EFR3B: variants seen among roughly 807,000 people sequenced by gnomAD.
EFR3B encodes the protein protein EFR3 homolog B.
A neutral mutation model predicts 104.7 loss-of-function variants in EFR3B; 64 were observed. That is an observed-to-expected ratio of 0.61 (90% CI 0.50 to 0.75). EFR3B has a LOEUF of 0.75. Ranked by LOEUF, EFR3B falls within the 30% of genes least tolerant of loss-of-function variation. The probability of loss-of-function intolerance (pLI) is 0.00; values close to 1 mark genes in which losing one functional copy is unlikely to be tolerated. For synonymous variants in EFR3B, 385 were observed against 417.9 expected, an observed-to-expected ratio of 0.92 and a Z score of 0.96; for missense variants, 750 against 1,078.5, an observed-to-expected ratio of 0.70 and a Z score of 4.27.
chr2:25,063,051 G>A (rs1168382799), intron 1 of EFR3B, among the ~76,000 whole-genome samples: 1 of 151,852 alleles, frequency 6.6e-6, no homozygotes, highest in Non-Finnish European at 1.5e-5. Flanking sequence ...AGCCTCCCGA[G>A]TAGTTGGGAT....
intron 4 of EFR3B, among the ~76,000 whole-genome samples, chr2:25,117,888 G>T (rs979777284): frequency 3.9e-5 from 6 of 152,126 alleles, no homozygotes; most frequent in Non-Finnish European, 1.5e-5. Context: ...TTTGACCAAC[G>T]TCTCCCTATT....
rs982688741 is a variant in EFR3B, at chr2:25,042,079, A to C, written c.-234A>C. ...ATAGCCCCCGCCCCCTGCGCGCAGCAGTGCCCAGCAACCCGAGCGGAGGCG... is the reference window on the plus strand; with the variant it reads ...ATAGCCCCCGCCCCCTGCGCGCAGCCGTGCCCAGCAACCCGAGCGGAGGCG... On this transcript the variant is annotated 5_prime_UTR_variant, in exon 1 of 23. Coordinates refer to ENST00000403714, the MANE Select transcript of EFR3B (RefSeq NM_014971.2). The surrounding 1 kb of genome is among the most constrained non-coding windows in gnomAD (Gnocchi z 5.4). 97 of 292,726 alleles carry C rather than the reference A, an allele frequency of 3.3e-4. No homozygotes were observed. The East Asian group carries it at 5.3e-3, about 16-fold the overall frequency. The allele number at this position is 292,726 out of a possible 1,614,324, so 18.1% of individuals were successfully genotyped here. A position where few individuals can be genotyped will look rare whatever the true frequency, so the allele number is the denominator to read the frequency against.
chr2:25,093,228 C>T, intron 3 of EFR3B, 98 bp downstream of exon 3: 1 of 1,449,638 alleles, frequency 6.9e-7, no homozygotes, highest in Non-Finnish European at 9.2e-7. Context: ...GGCAGAGTGG[C>T]TCACGCCTGT....
chr2:25,147,537 A>G (rs1218994174), intron 19 of EFR3B: 1 of 152,256 alleles, frequency 6.6e-6, no homozygotes, highest in East Asian at 1.9e-4. Context: ...GTGAATTTTC[A>G]TAAAGTGTGT....
chr2:25,100,971 A>G (rs1669417034), intron 3 of EFR3B, among the ~76,000 whole-genome samples: 1 of 152,150 alleles, frequency 6.6e-6, no homozygotes, highest in Admixed American at 6.5e-5. Flanking sequence ...TTCCCTTTCC[A>G]ATGAGGTCAG....
In EFR3B at chr2:25,088,979, G is replaced by A. The variant is rs190273421; in HGVS notation, c.8-2346G>A. ...GGGGCCCTGCCTGGGACTGGTTCCCGCCCACCATGGGCCCTGTGTGGTGGC... is the reference window on the plus strand; with the variant it reads ...GGGGCCCTGCCTGGGACTGGTTCCCACCCACCATGGGCCCTGTGTGGTGGC... On this transcript the variant is annotated intron_variant, in intron 1 of 22. Coordinates refer to ENST00000403714, the MANE Select transcript of EFR3B (RefSeq NM_014971.2). Among the ~76,000 whole-genome samples, 526 of 152,260 alleles carry A rather than the reference G, an allele frequency of 3.5e-3. 5 individuals carry two copies. Among genetic ancestry groups the A allele is most frequent in the African/African-American group, 0.012 (500 of 41,564 alleles).
At position 25,114,272 on chromosome 2, in the gene EFR3B, G is replaced by A. The variant is rs1669802102; in HGVS notation, c.364-7401G>A. On this transcript the variant is annotated intron_variant, in intron 4 of 22. Coordinates refer to ENST00000403714, the MANE Select transcript of EFR3B (RefSeq NM_014971.2). This position sits in a 1 kb window ranked among gnomAD's most constrained non-coding sequence, Gnocchi z 4.0. ...GGCTCTCTAGGAGCTGCCCCAACAGGGACCCACGGACAGCGCTCCCTGACC... is the reference window on the plus strand; with the variant it reads ...GGCTCTCTAGGAGCTGCCCCAACAGAGACCCACGGACAGCGCTCCCTGACC... Among the ~76,000 whole-genome samples the A allele has an allele frequency of 6.6e-6, 1 of 152,140 alleles. No homozygotes were observed. Among genetic ancestry groups the A allele is most frequent in the Admixed American group, 6.5e-5 (1 of 15,274 alleles).
intron 1 of EFR3B, among the ~76,000 whole-genome samples, chr2:25,058,762 GCGC>G (rs1231145385): frequency 1.7e-5 from 2 of 114,734 alleles, no homozygotes; most frequent in Admixed American, 8.0e-5. Flanking sequence ...CTGTCTCCCC[GCGC>G]CCCCCCCCCC....
At chr2:25,062,094 A>T (rs944741835) in intron 1 of EFR3B, among the ~76,000 whole-genome samples, 1 of 151,988 alleles carries the variant, frequency 6.6e-6, no homozygotes, top group East Asian at 1.9e-4. Context: ...TTAATTTTTA[A>T]TTTTTTTCCC....
In EFR3B at chr2:25,071,723, G is replaced by A. The variant is rs183513046; in HGVS notation, c.8-19602G>A. Among the ~76,000 whole-genome samples, 85 of 152,250 alleles carry A rather than the reference G, an allele frequency of 5.6e-4. 2 individuals carry two copies. The South Asian group carries it at 0.011, about 20-fold the overall frequency. Reference sequence around the variant, plus strand: ...TCTAAATTATGTCTTGTTTGTCGCCGAAATTATTTTGTTGTCTTCCAAATT... The same window carrying A: ...TCTAAATTATGTCTTGTTTGTCGCCAAAATTATTTTGTTGTCTTCCAAATT... On this transcript the variant is annotated intron_variant, in intron 1 of 22. Transcript: ENST00000403714.
At chr2:25,138,996 G>A in intron 15 of EFR3B, 63 bp from the exon 16 acceptor site, 2 of 1,544,942 alleles carry the variant, frequency 1.3e-6, no homozygotes, top group Admixed American at 4.0e-5. Context: ...GTCGGGTGGA[G>A]CGTTGGCACC....
At chr2:25,082,739 G>A (rs487982) in intron 1 of EFR3B, among the ~76,000 whole-genome samples, 152,051 of 152,300 alleles carry the variant, frequency 1, 75,903 homozygotes, top group Middle Eastern at 1. Context: ...GTGGGGACAA[G>A]TGGACAAAGG....
intron 4 of EFR3B, among the ~76,000 whole-genome samples, chr2:25,110,201 C>T (rs551865550): frequency 2.0e-5 from 3 of 152,278 alleles, no homozygotes; most frequent in South Asian, 2.1e-4. Flanking sequence ...TGCCACCCTC[C>T]GGGGCCCTCG....
chr2:25,057,369 A>G (rs549465642), intron 1 of EFR3B, among the ~76,000 whole-genome samples: 17 of 152,156 alleles, frequency 1.1e-4, no homozygotes, highest in Middle Eastern at 3.4e-3. Context: ...GATAAGTTAA[A>G]TGCCTTATGC....
At chr2:25,061,720 T>C (rs1465711626) in intron 1 of EFR3B, among the ~76,000 whole-genome samples, 2 of 151,642 alleles carry the variant, frequency 1.3e-5, no homozygotes, top group East Asian at 3.9e-4. Flanking sequence ...AGTCTCAAAC[T>C]CCTGACCTCA....
intron 1 of EFR3B, among the ~76,000 whole-genome samples, chr2:25,044,030 C>T (rs1667650321): frequency 6.6e-6 from 1 of 152,222 alleles, no homozygotes; most frequent in African/African-American, 2.4e-5. Context: ...CAAGGAAGAG[C>T]TGGATAGTCA....
intron 2 of EFR3B, among the ~76,000 whole-genome samples, chr2:25,092,568 A>C (rs1344338702): frequency 6.6e-6 from 1 of 151,754 alleles, no homozygotes; most frequent in African/African-American, 2.4e-5. Context: ...TCTCCCCCCG[A>C]GACGGAGTCT....
intron 1 of EFR3B, among the ~76,000 whole-genome samples, chr2:25,067,667 C>G (rs1002385781): frequency 6.6e-6 from 1 of 151,932 alleles, no homozygotes; most frequent in Non-Finnish European, 1.5e-5. Context: ...CTCCTGACCT[C>G]GTGATCTGCC....
Position 25,060,262 on chromosome 2 carries a change from A to G in EFR3B, c.7+17943A>G, listed in dbSNP as rs112995783. ...TATATTTTACCATAATTTTTTAAAAAAGTTTTCATACACATGTTATCAGAG... is the reference window on the plus strand; with the variant it reads ...TATATTTTACCATAATTTTTTAAAAGAGTTTTCATACACATGTTATCAGAG... On this transcript the variant is annotated intron_variant, in intron 1 of 22. Coordinates refer to ENST00000403714, the MANE Select transcript of EFR3B (RefSeq NM_014971.2). Among the ~76,000 whole-genome samples, 63 of 152,340 alleles carry G rather than the reference A, an allele frequency of 4.1e-4. 1 individual carries two copies. The highest frequency in any genetic ancestry group is 1.5e-3 in the African/African-American group (62 of 41,586).
Sources: allele counts gnomAD v4.1 joint callset (sites outside exome capture counted in the v4.1 genomes callset), GRCh38; gene constraint gnomAD v4.1.1; non-coding constraint Gnocchi (gnomAD v3.1); transcripts MANE v1.5; gene names NCBI Gene and HGNC (gene_info 2026-07-23, HGNC 2026-07-21).